Variants in STK38 observed in about 807,000 individuals in gnomAD.
The protein encoded by STK38 is serine/threonine kinase 38.
A neutral mutation model predicts 59.0 loss-of-function variants in STK38; 26 were observed. That is an observed-to-expected ratio of 0.44 (90% CI 0.32 to 0.61). The LOEUF is 0.61. Ranked by LOEUF, STK38 falls within the 20% of genes least tolerant of loss-of-function variation. STK38 has a pLI of 0.04. For missense variants in STK38, 433 were observed against 566.0 expected (o/e 0.76, Z 2.38); for synonymous variants, 175 against 176.6 (o/e 0.99, Z 0.07).
At chr6:36,524,568 G>T in intron 3 of STK38, 105 bp from the exon 4 acceptor site, 2 of 1,165,090 alleles carry the variant, frequency 1.7e-6, no homozygotes, top group Non-Finnish European at 2.4e-6. Context: ...AGGTCCAAGT[G>T]GACTAAGGAT....
chr6:36,517,285 G>C (rs1228140659), intron 6 of STK38, among the ~76,000 whole-genome samples: 1 of 151,984 alleles, frequency 6.6e-6, no homozygotes, highest in Non-Finnish European at 1.5e-5. Flanking sequence ...ATTTTTTCTG[G>C]CTACTAATAT....
chr6:36,532,965 G>A (rs952058075), intron 2 of STK38, among the ~76,000 whole-genome samples: 3 of 151,700 alleles, frequency 2.0e-5, no homozygotes, highest in East Asian at 3.9e-4. Flanking sequence ...CCAGCTACTC[G>A]GGAGGCTGAG....
chr6:36,526,796 A>G (rs1490174754), intron 2 of STK38, among the ~76,000 whole-genome samples: 1 of 152,126 alleles, frequency 6.6e-6, no homozygotes, highest in Non-Finnish European at 1.5e-5. Context: ...TGGGAAGCTG[A>G]GACAGGAGAA....
chr6:36,546,804 A>G (rs565611326), intron 1 of STK38, among the ~76,000 whole-genome samples: 34 of 152,324 alleles, frequency 2.2e-4, no homozygotes, highest in South Asian at 8.3e-4. Flanking sequence ...CACAGTTCAC[A>G]GACCCCAGAA....
intron 2 of STK38, among the ~76,000 whole-genome samples, chr6:36,537,116 CAACA>C (rs1468821019): frequency 2.0e-5 from 3 of 152,006 alleles, no homozygotes; most frequent in Non-Finnish European, 1.5e-5. Context: ...CGAAAAATCT[CAACA>C]AACATTTCAC....
intron 2 of STK38, among the ~76,000 whole-genome samples, chr6:36,528,359 T>C (rs1359556210): frequency 1.3e-5 from 2 of 151,190 alleles, no homozygotes; most frequent in Non-Finnish European, 3.0e-5. Flanking sequence ...TGAGAGTTAT[T>C]GTAATGATTC....
chr6:36,540,259 G>C (rs6913714), intron 1 of STK38, 52 bp from the exon 2 acceptor site: 1 of 1,594,666 alleles, frequency 6.3e-7, no homozygotes, highest in Non-Finnish European at 8.6e-7. Context: ...AATCCACCCA[G>C]TGTGCACTCT....
At chr6:36,498,582 C>CTTTTT (rs1219622406) in intron 10 of STK38, 96 bp from the exon 11 acceptor site, 11 of 1,039,292 alleles carry the variant, frequency 1.1e-5, no homozygotes, top group Non-Finnish European at 1.5e-5. Context: ...CTTTTTTTTT[C>CTTTTT]TTTTTTCTTT....
At chr6:36,537,079 A>G (rs912294862) in intron 2 of STK38, among the ~76,000 whole-genome samples, 1 of 151,298 alleles carries the variant, frequency 6.6e-6, no homozygotes, top group Non-Finnish European at 1.5e-5. Context: ...ACTCAATAAT[A>G]AAGACAACTC....
intron 1 of STK38, among the ~76,000 whole-genome samples, chr6:36,541,995 AT>A (rs35998616): frequency 1.3e-3 from 189 of 147,224 alleles, no homozygotes; most frequent in African/African-American, 3.3e-3. Flanking sequence ...TGCCCAGCTA[AT>A]TTTTTTTTTT....
Position 36,497,286 on chromosome 6 carries a change from A to C in STK38, c.1173-481T>G, listed in dbSNP as rs569045263. On this transcript the variant is annotated intron_variant, in intron 12 of 13. Coordinates refer to ENST00000229812, the MANE Select transcript of STK38 (RefSeq NM_007271.4). ...AATAACCAATGAATGCTGAATGAGAAGGTCTGGACTACAGCAGGTGGTCTA... is the reference window on the plus strand; with the variant it reads ...AATAACCAATGAATGCTGAATGAGACGGTCTGGACTACAGCAGGTGGTCTA... Among the ~76,000 whole-genome samples, 5 of 152,380 alleles carry C rather than the reference A, an allele frequency of 3.3e-5. No individual in the cohort carries two copies. The South Asian group carries it at 6.2e-4, about 19-fold the overall frequency.
chr6:36,517,296 G>A (rs781348908), intron 6 of STK38, among the ~76,000 whole-genome samples: 1 of 151,866 alleles, frequency 6.6e-6, no homozygotes, highest in Non-Finnish European at 1.5e-5. Context: ...CTACTAATAT[G>A]GGTAACAAAA....
intron 2 of STK38, among the ~76,000 whole-genome samples, chr6:36,530,295 GA>G (rs1430156320): frequency 6.6e-6 from 1 of 151,950 alleles, no homozygotes; most frequent in African/African-American, 2.4e-5. Flanking sequence ...AGGAAGAGAA[GA>G]GGGGAGCGGA....
chr6:36,505,921 T>C (rs1399591930), intron 9 of STK38, among the ~76,000 whole-genome samples: 1 of 152,208 alleles, frequency 6.6e-6, no homozygotes, highest in Non-Finnish European at 1.5e-5. Context: ...TTATCAGCTA[T>C]TGGCAAAAAA....
intron 7 of STK38, among the ~76,000 whole-genome samples, chr6:36,512,484 T>C (rs1014458161): frequency 6.6e-6 from 1 of 152,166 alleles, no homozygotes; most frequent in Non-Finnish European, 1.5e-5. Context: ...ATTAAACATA[T>C]ATCTGACATT....
intron 8 of STK38, among the ~76,000 whole-genome samples, chr6:36,506,873 T>C (rs1561975726): frequency 1.3e-5 from 2 of 152,170 alleles, no homozygotes; most frequent in African/African-American, 2.4e-5. Flanking sequence ...GGCACTCCCA[T>C]GTGGATCAAG....
chr6:36,521,762 C>A lies in STK38; in HGVS notation c.362G>T (p.Arg121Leu). 1 of 1,611,694 alleles carries A rather than the reference C, an allele frequency of 6.2e-7. No individual in the cohort carries two copies. Among genetic ancestry groups the A allele is most frequent in the Non-Finnish European group, 8.5e-7 (1 of 1,179,462 alleles). Residue 121 changes from arginine to leucine, a missense_variant, in exon 5 of 14, where the codon CGT (arginine) becomes CTT (leucine). This residue lies in a region of STK38 where 293 missense variants were observed against 388.2 expected (regional missense o/e 0.75). Transcript: ENST00000229812. The stretch of plus-strand genomic sequence containing the variant: ...CTCTTTTTCAAGCATATCTGCTTTA[C>A]GGAGTATTTTCATTGCATACACATG... ...TGHVYAMKILRKADMLEKEQV... is the reference protein window; with the variant it reads ...TGHVYAMKILLKADMLEKEQV...
chr6:36,520,638 T>C (rs543646728), intron 5 of STK38, among the ~76,000 whole-genome samples: 4 of 152,264 alleles, frequency 2.6e-5, no homozygotes, highest in Admixed American at 6.5e-5. Flanking sequence ...AATTTGTAGA[T>C]AGTATGTAAG....
At chr6:36,537,700 C>A (rs1017114201) in intron 2 of STK38, among the ~76,000 whole-genome samples, 1 of 151,830 alleles carries the variant, frequency 6.6e-6, no homozygotes, top group Non-Finnish European at 1.5e-5. Flanking sequence ...GAGTTCGAGA[C>A]CAGCCTGGAC....
Sources: gnomAD v4.1 joint callset for allele counts (sites outside exome capture counted in the v4.1 genomes callset) on GRCh38, gnomAD v4.1.1 for gene constraint, gnomAD v4.1.1 regional missense constraint, MANE v1.5 for transcripts, NCBI Gene and HGNC (gene_info 2026-07-23, HGNC 2026-07-21) for gene names.